The following PCDH15 variants were observed in gnomAD, a reference collection of about 807,000 sequenced individuals.
PCDH15 encodes protocadherin related 15, also known as protocadherin-15.
Under a neutral mutation model 178.5 loss-of-function variants are expected in PCDH15, and 129 were observed. The observed-to-expected ratio is 0.72, with a 90% CI of 0.63 to 0.84. The LOEUF (loss-of-function observed/expected upper bound fraction) is 0.84. PCDH15 is among the 40% of genes least tolerant of loss of function. The pLI is 0.00. For synonymous variants in PCDH15, 800 were observed against 732.0 expected (o/e 1.09, Z -1.50); for missense variants, 2,230 against 2,099.9 (o/e 1.06, Z -1.21).
chr10:55,370,831 C>T (rs1415550036), intron 2 of PCDH15, among the ~76,000 whole-genome samples: 2 of 152,088 alleles, frequency 1.3e-5, no homozygotes, highest in East Asian at 3.9e-4. Flanking sequence ...AATTGACTCA[C>T]TCTGCAGTAG....
At chr10:55,348,441 C>T (rs771278230) in intron 2 of PCDH15, among the ~76,000 whole-genome samples, 12 of 151,978 alleles carry the variant, frequency 7.9e-5, no homozygotes, top group Non-Finnish European at 1.5e-4. Context: ...GGCCCTAATG[C>T]TTGCTGGAGA....
At chr10:53,834,264 T>A (rs2132672101) in intron 29 of PCDH15, among the ~76,000 whole-genome samples, 1 of 152,272 alleles carries the variant, frequency 6.6e-6, no homozygotes, top group African/African-American at 2.4e-5. Flanking sequence ...TCAAGCCATG[T>A]AAAACACACA....
chr10:54,303,736 C>A (rs1564913127), intron 8 of PCDH15, among the ~76,000 whole-genome samples: 1 of 152,238 alleles, frequency 6.6e-6, no homozygotes, highest in African/African-American at 2.4e-5. Context: ...TTATTTCTGA[C>A]ACTTCATACC....
chr10:55,017,669 T>C (rs186351428), intron 2 of PCDH15, among the ~76,000 whole-genome samples: 112 of 152,252 alleles, frequency 7.4e-4, no homozygotes, highest in African/African-American at 2.3e-3. Flanking sequence ...AATATGTCTT[T>C]GGAGCTTTAA....
chr10:55,230,786 T>C (rs1841193204), intron 1 of PCDH15, among the ~76,000 whole-genome samples: 2 of 151,928 alleles, frequency 1.3e-5, no homozygotes, highest in South Asian at 4.1e-4. Context: ...GAGACTAAAA[T>C]TGGAAAAATT....
At chr10:54,876,287 G>T (rs553688320) in intron 3 of PCDH15, among the ~76,000 whole-genome samples, 1 of 152,120 alleles carries the variant, frequency 6.6e-6, no homozygotes, top group Admixed American at 6.6e-5. Context: ...AATGTTCCTA[G>T]TAACTCAAGA....
chr10:55,061,883 G>A (rs1436779504), intron 2 of PCDH15, among the ~76,000 whole-genome samples: 1 of 152,150 alleles, frequency 6.6e-6, no homozygotes, highest in Non-Finnish European at 1.5e-5. Context: ...AGCTGGACAT[G>A]GTAGCGAGTG....
chr10:54,375,434 G>A (rs1948249373), intron 4 of PCDH15, among the ~76,000 whole-genome samples: 1 of 151,848 alleles, frequency 6.6e-6, no homozygotes, highest in Non-Finnish European at 1.5e-5. Context: ...CTCTCTCCCT[G>A]GTAAACATAC....
chr10:53,855,920 A>ATATATATATATATATGTGTGTG (rs1201156130), intron 28 of PCDH15, among the ~76,000 whole-genome samples: 8 of 140,410 alleles, frequency 5.7e-5, no homozygotes, highest in East Asian at 6.4e-4. Context: ...ATATATATAT[A>ATATATATATATATATGTGTGTG]TGTATGTGTG....
At position 54,020,396 on chromosome 10, in the gene PCDH15, T is replaced by C; in HGVS notation, c.2547A>G (p.Gly849=). 6.2e-7 allele frequency: 1 copy of C among 1,613,764 alleles called. No homozygotes were observed. The highest frequency in any genetic ancestry group is 8.5e-7 in the Non-Finnish European group (1 of 1,179,750). The change falls in exon 20 of 38, where the codon GGA becomes GGG. Residue 849 remains glycine, a synonymous_variant. Coordinates refer to ENST00000644397, the MANE Select transcript of PCDH15 (RefSeq NM_001384140.1). Reference sequence around the variant, plus strand: ...TTCTTATCCGGTAAGACACATTTGCTCCAAGGTCGACATCTTTGGCCTGTA... The same window carrying C: ...TTCTTATCCGGTAAGACACATTTGCCCCAAGGTCGACATCTTTGGCCTGTA... ...LQIEAKDVDL[G]ANVSYRIRSP...
At chr10:54,663,234 A>T (rs921115355) in intron 2 of PCDH15, among the ~76,000 whole-genome samples, 2 of 151,878 alleles carry the variant, frequency 1.3e-5, no homozygotes, top group Non-Finnish European at 2.9e-5. Context: ...CACAAAATAA[A>T]TGCACATCCT....
intron 5 of PCDH15, among the ~76,000 whole-genome samples, chr10:54,363,722 A>ATTTACTTTTCATAC (rs1466584980): frequency 6.6e-6 from 1 of 152,118 alleles, no homozygotes; most frequent in Non-Finnish European, 1.5e-5. Context: ...TTATCTACCA[A>ATTTACTTTTCATAC]CAATGTATGA....
chr10:54,642,941 G>T (rs1282455743), intron 2 of PCDH15, among the ~76,000 whole-genome samples: 1 of 152,040 alleles, frequency 6.6e-6, no homozygotes. Flanking sequence ...TTTATTTTTT[G>T]GGACAGAATC....
chr10:54,860,322 C>T (rs1953817107), intron 3 of PCDH15, among the ~76,000 whole-genome samples: 2 of 151,986 alleles, frequency 1.3e-5, no homozygotes, highest in Non-Finnish European at 1.5e-5. Context: ...CTAGTTGTCC[C>T]CAGTGTCTAT....
intron 14 of PCDH15, among the ~76,000 whole-genome samples, chr10:54,139,047 C>G (rs1283919503): frequency 6.6e-6 from 1 of 151,830 alleles, no homozygotes; most frequent in Non-Finnish European, 1.5e-5. Context: ...AATAAAAATG[C>G]CTTTAGAATT....
chr10:55,507,756 T>C (rs910660047), intron 2 of PCDH15, among the ~76,000 whole-genome samples: 2 of 151,554 alleles, frequency 1.3e-5, no homozygotes, highest in African/African-American at 4.8e-5. Flanking sequence ...TCCACAAATA[T>C]CTAAATACTA....
At chr10:54,511,566 C>T (rs2081664224) in intron 3 of PCDH15, among the ~76,000 whole-genome samples, 1 of 152,138 alleles carries the variant, frequency 6.6e-6, no homozygotes, top group South Asian at 2.1e-4. Flanking sequence ...TAAGTCTCAA[C>T]TGATGTCTTC....
At chr10:55,435,871 T>A (rs1290000449) in intron 2 of PCDH15, among the ~76,000 whole-genome samples, 2 of 152,134 alleles carry the variant, frequency 1.3e-5, no homozygotes, top group Admixed American at 1.3e-4. Context: ...TAATTACTTG[T>A]AATAGAGAAA....
intron 13 of PCDH15, among the ~76,000 whole-genome samples, chr10:54,176,091 G>A (rs913065903): frequency 1.4e-4 from 22 of 152,066 alleles, no homozygotes; most frequent in African/African-American, 3.9e-4. Context: ...GAATTCTTAC[G>A]CCAAATAGAA....
Sources: allele counts gnomAD v4.1 joint callset (sites outside exome capture counted in the v4.1 genomes callset), GRCh38; gene constraint gnomAD v4.1.1; transcripts MANE v1.5; gene names NCBI Gene and HGNC (gene_info 2026-07-23, HGNC 2026-07-21).